CELF2: variants seen among roughly 807,000 people sequenced by gnomAD.
CELF2 encodes the protein CUG triplet repeat RNA-binding protein 2.
CELF2 carries 8 observed loss-of-function variants against 62.6 expected under a neutral mutation model. The observed-to-expected ratio is 0.13, with a 90% CI of 0.07 to 0.23. The LOEUF is 0.23. CELF2 is among the 10% of genes least tolerant of loss of function. The probability of loss-of-function intolerance (pLI) is 1.00; values close to 1 mark genes in which losing one functional copy is unlikely to be tolerated. For synonymous variants in CELF2, 258 were observed against 250.0 expected (o/e 1.03, Z -0.30); for missense variants, 333 against 671.0 (o/e 0.50, Z 5.56).
the CELF2 span, among the ~76,000 whole-genome samples, chr10:10,620,766 A>C: frequency 1.8e-4 from 26 of 148,374 alleles, no homozygotes; most frequent in African/African-American, 5.3e-4. Flanking sequence ...ATTAGCCGGG[A>C]GTGGTGGCAG....
chr10:11,154,937 A>G (rs2064022885), intron 1 of CELF2, among the ~76,000 whole-genome samples: 1 of 152,206 alleles, frequency 6.6e-6, no homozygotes, highest in African/African-American at 2.4e-5. Flanking sequence ...ATTAACCCAA[A>G]CAAAGCCGAA....
chr10:11,026,099 T>C (rs1409865202), intron 1 of CELF2, among the ~76,000 whole-genome samples: 2 of 152,160 alleles, frequency 1.3e-5, no homozygotes, highest in African/African-American at 4.8e-5. Context: ...ATCTGGACAG[T>C]TGGGCCTCCA....
chr10:10,911,985 T>C (rs558569593), intron 1 of CELF2, among the ~76,000 whole-genome samples: 1 of 152,352 alleles, frequency 6.6e-6, no homozygotes, highest in East Asian at 1.9e-4. Flanking sequence ...TTGTTTTAGC[T>C]GATCAGCATT....
the CELF2 span, among the ~76,000 whole-genome samples, chr10:10,505,957 A>G: frequency 1.3e-5 from 2 of 151,968 alleles, no homozygotes; most frequent in African/African-American, 4.8e-5. Flanking sequence ...CCTTCTTTCC[A>G]CCTTTCAAAG....
chr10:10,729,783 A>T, the CELF2 span, among the ~76,000 whole-genome samples: 5 of 152,174 alleles, frequency 3.3e-5, no homozygotes, highest in Non-Finnish European at 7.3e-5. Flanking sequence ...TCTCAAAAAA[A>T]AAAAAGTTGG....
At chr10:10,762,414 G>A in the CELF2 span, among the ~76,000 whole-genome samples, 1 of 152,218 alleles carries the variant, frequency 6.6e-6, no homozygotes, top group East Asian at 1.9e-4. Flanking sequence ...TGACTTGGAG[G>A]TGAAGAAGTA....
At chr10:11,234,761 C>G (rs2070465236) in intron 3 of CELF2, among the ~76,000 whole-genome samples, 1 of 151,914 alleles carries the variant, frequency 6.6e-6, no homozygotes, top group African/African-American at 2.4e-5. Context: ...TCTTGATCCC[C>G]TCATCCCCAT....
At chr10:10,510,040 T>A in the CELF2 span, among the ~76,000 whole-genome samples, 6 of 152,218 alleles carry the variant, frequency 3.9e-5, no homozygotes, top group African/African-American at 1.4e-4. Context: ...TCTGAACCTA[T>A]CTGTTCTTGC....
chr10:10,616,719 T>TGA, the CELF2 span, among the ~76,000 whole-genome samples: 519 of 55,224 alleles, frequency 9.4e-3, 2 homozygotes, highest in Middle Eastern at 0.023. Context: ...TGTGTGTGTG[T>TGA]GAGAGAGAGA....
chr10:10,945,251 G>A (rs1205940350), intron 2 of CELF2, among the ~76,000 whole-genome samples: 1 of 152,202 alleles, frequency 6.6e-6, no homozygotes, highest in African/African-American at 2.4e-5. Context: ...GCAGCTGACA[G>A]CATTTCCCTC....
chr10:10,665,093 T>C, the CELF2 span, among the ~76,000 whole-genome samples: 1 of 152,204 alleles, frequency 6.6e-6, no homozygotes, highest in Non-Finnish European at 1.5e-5. Flanking sequence ...CAGGTTTATT[T>C]GGGCCCCAGA....
In CELF2 at chr10:11,264,291, T is replaced by A. The variant is rs77005772; in HGVS notation, c.539-2307T>A. On this transcript the variant is annotated intron_variant, in intron 5 of 12. Transcript: ENST00000633077. ...TTCTCACTAAGTTACTTTAAAAAGTTCTGCATATATGAAATTGTGGCAAAT... is the reference window on the plus strand; with the variant it reads ...TTCTCACTAAGTTACTTTAAAAAGTACTGCATATATGAAATTGTGGCAAAT... Among the ~76,000 whole-genome samples the A allele has an allele frequency of 8.3e-3, 1,268 of 152,380 alleles. 24 individuals are homozygous for A. Among genetic ancestry groups the A allele is most frequent in the East Asian group, 0.071 (367 of 5,192 alleles).
intron 1 of CELF2, among the ~76,000 whole-genome samples, chr10:10,864,423 C>T (rs927173535): frequency 3.3e-5 from 5 of 152,148 alleles, no homozygotes; most frequent in African/African-American, 1.2e-4. Flanking sequence ...TACTAATCAG[C>T]TCAGGCTGCC....
the CELF2 span, among the ~76,000 whole-genome samples, chr10:10,772,072 G>T: frequency 1.3e-5 from 2 of 151,914 alleles, no homozygotes; most frequent in African/African-American, 4.8e-5. Flanking sequence ...CTTCATTACT[G>T]TGCCTATTGT....
the CELF2 span, among the ~76,000 whole-genome samples, chr10:10,624,873 A>T: frequency 1.3e-5 from 2 of 152,346 alleles, no homozygotes; most frequent in African/African-American, 4.8e-5. Flanking sequence ...TCACAGGGAC[A>T]CAAAGAGGCA....
At chr10:10,593,084 A>G in the CELF2 span, among the ~76,000 whole-genome samples, 1 of 152,192 alleles carries the variant, frequency 6.6e-6, no homozygotes, top group African/African-American at 2.4e-5. Flanking sequence ...CAAGCAAGCC[A>G]GATCCACAGC....
chr10:11,196,847 C>T (rs184550496), intron 2 of CELF2, among the ~76,000 whole-genome samples: 48 of 150,996 alleles, frequency 3.2e-4, no homozygotes, highest in African/African-American at 9.5e-4. Flanking sequence ...TAATCCCAGC[C>T]GCTCATGGGG....
chr10:11,209,632 A>G (rs1589105609), intron 2 of CELF2, among the ~76,000 whole-genome samples: 1 of 138,416 alleles, frequency 7.2e-6, no homozygotes, highest in African/African-American at 2.7e-5. Flanking sequence ...GGGATTTTTG[A>G]TGGGTTTTTT....
At chr10:10,523,775 G>A in the CELF2 span, among the ~76,000 whole-genome samples, 1 of 152,176 alleles carries the variant, frequency 6.6e-6, no homozygotes, top group Non-Finnish European at 1.5e-5. Flanking sequence ...CAAGTGCAAT[G>A]TCAGTGGTTG....
Sources: allele counts gnomAD v4.1 joint callset (sites outside exome capture counted in the v4.1 genomes callset), GRCh38; gene constraint gnomAD v4.1.1; transcripts MANE v1.5; gene names NCBI Gene and HGNC (gene_info 2026-07-23, HGNC 2026-07-21).